PUDP: variants seen among roughly 807,000 people sequenced by gnomAD.
PUDP encodes pseudouridine 5'-phosphatase, also known as pseudouridine-5'-phosphatase.
PUDP carries 8 observed loss-of-function variants against 9.4 expected under a neutral mutation model. The observed-to-expected ratio is 0.85, with a 90% CI of 0.50 to 1.53. The LOEUF (loss-of-function observed/expected upper bound fraction) is 1.53, where lower values mean the gene tolerates loss of function less well. PUDP is among the 40% of genes most tolerant of loss of function. The pLI, the probability that PUDP is intolerant of heterozygous loss-of-function variation, is 0.00. For missense variants in PUDP, 188 were observed against 189.7 expected (o/e 0.99, Z 0.05); for synonymous variants, 99 against 80.7 (o/e 1.23, Z -1.22).
At chrX:6,960,492 G>A (rs977379849) in intron 3 of PUDP, among the ~76,000 whole-genome samples, 2 of 111,774 alleles carry the variant, frequency 1.8e-5, no homozygotes, top group African/African-American at 6.5e-5. Flanking sequence ...GACACAGCAC[G>A]AAGGCCCTCA....
At chrX:6,817,089 T>C (rs1926263311) in intron 3 of PUDP, among the ~76,000 whole-genome samples, 1 of 105,392 alleles carries the variant, frequency 9.5e-6, no homozygotes, top group Non-Finnish European at 1.9e-5. Context: ...TATATATATA[T>C]ATTTTGAGAT....
chrX:6,968,265 A>G (rs1259291384), intron 3 of PUDP, among the ~76,000 whole-genome samples: 1 of 112,377 alleles, frequency 8.9e-6, no homozygotes, highest in Non-Finnish European at 1.9e-5. Flanking sequence ...TGTAGTACAC[A>G]GTGGATAGAA....
intron 3 of PUDP, among the ~76,000 whole-genome samples, chrX:6,960,909 A>G (rs1928697915): frequency 9.0e-6 from 1 of 111,612 alleles, no homozygotes; most frequent in African/African-American, 3.3e-5. Context: ...ATGGTGGGAG[A>G]GCAACCATAC....
At chrX:6,757,387 G>A (rs1170638551) in intron 3 of PUDP, among the ~76,000 whole-genome samples, 1 of 110,652 alleles carries the variant, frequency 9.0e-6, no homozygotes, top group Non-Finnish European at 1.9e-5. Context: ...AAAAACTTTG[G>A]ATGAAAAATG....
At chrX:6,988,763 A>G (rs1929136894) in intron 1 of PUDP, among the ~76,000 whole-genome samples, 1 of 111,197 alleles carries the variant, frequency 9.0e-6, no homozygotes, top group African/African-American at 3.3e-5. Flanking sequence ...GTTTAATCCT[A>G]AAAGGGTCCT....
intron 1 of PUDP, among the ~76,000 whole-genome samples, chrX:6,709,354 A>G (rs1247221731): frequency 9.0e-6 from 1 of 111,403 alleles, no homozygotes; most frequent in Non-Finnish European, 1.9e-5. Context: ...ACACACTCTC[A>G]GGCCCTTATA....
intron 1 of PUDP, among the ~76,000 whole-genome samples, chrX:7,114,446 A>C (rs778153387): frequency 9.0e-6 from 1 of 111,226 alleles, no homozygotes; most frequent in African/African-American, 3.3e-5. Context: ...ACAACTCACT[A>C]ATCTATTAAT....
intron 3 of PUDP, among the ~76,000 whole-genome samples, chrX:6,739,446 C>T (rs1924910865): frequency 9.0e-6 from 1 of 111,411 alleles, no homozygotes; most frequent in South Asian, 3.9e-4. Context: ...AGTAACATTG[C>T]TCCTCTCCAG....
At chrX:7,078,204 C>A (rs1165613488) in intron 2 of PUDP, among the ~76,000 whole-genome samples, 2 of 112,542 alleles carry the variant, frequency 1.8e-5, no homozygotes, top group African/African-American at 3.2e-5. Context: ...CAGAAAGAAT[C>A]AAAAATACCA....
chrX:6,709,530 C>T (rs73188672), intron 1 of PUDP, among the ~76,000 whole-genome samples: 7,652 of 111,698 alleles, frequency 0.069, 289 homozygotes, highest in African/African-American at 0.13. Flanking sequence ...TCACCCGAAG[C>T]GTTTATCACT....
At chrX:6,771,959 C>T (rs769760284) in intron 3 of PUDP, among the ~76,000 whole-genome samples, 2 of 112,681 alleles carry the variant, frequency 1.8e-5, no homozygotes, top group Non-Finnish European at 3.7e-5. Flanking sequence ...AAACCCTCAA[C>T]AAAAAGATCC....
intron 1 of PUDP, among the ~76,000 whole-genome samples, chrX:6,714,993 ATGTGTG>A (rs775165133): frequency 6.7e-5 from 7 of 104,921 alleles, no homozygotes; most frequent in South Asian, 8.2e-4. Context: ...ATATATATAT[ATGTGTG>A]TGTGTGTGTG....
chrX:6,801,575 C>T lies in PUDP; in HGVS notation c.*248-95109G>A, dbSNP rs974071999. ...TAACCAGTCAGAGGTCAGTCCCCCTCGCCACACACACACCTTCCATGTGCC... is the reference window on the plus strand; with the variant it reads ...TAACCAGTCAGAGGTCAGTCCCCCTTGCCACACACACACCTTCCATGTGCC... On this transcript the variant is annotated intron_variant and NMD_transcript_variant, in intron 3 of 3. Coordinates refer to the PUDP transcript ENST00000655425. Among the ~76,000 whole-genome samples, 904 of 111,382 alleles carry T rather than the reference C, an allele frequency of 8.1e-3. 10 individuals carry two copies. The highest frequency in any genetic ancestry group is 0.028 in the African/African-American group (846 of 30,626).
intron 3 of PUDP, among the ~76,000 whole-genome samples, chrX:6,962,321 C>A (rs190289893): frequency 5.4e-4 from 61 of 112,282 alleles, no homozygotes; most frequent in African/African-American, 1.8e-3. Context: ...TACTACACCC[C>A]GGTGTTTGAG....
intron 3 of PUDP, among the ~76,000 whole-genome samples, chrX:7,064,447 T>A (rs1930491320): frequency 9.0e-6 from 1 of 111,697 alleles, no homozygotes; most frequent in African/African-American, 3.3e-5. Flanking sequence ...TTTCTCAGTA[T>A]TAATACAGGG....
intron 3 of PUDP, among the ~76,000 whole-genome samples, chrX:6,787,011 A>AC (rs1925659117): frequency 1.2e-5 from 1 of 84,394 alleles, no homozygotes; most frequent in Non-Finnish European, 2.3e-5. Context: ...CTCTCCCCCC[A>AC]CCCCCCGACC....
intron 3 of PUDP, among the ~76,000 whole-genome samples, chrX:6,787,372 A>T (rs1397824068): frequency 8.9e-6 from 1 of 112,229 alleles, no homozygotes; most frequent in Admixed American, 9.5e-5. Flanking sequence ...GTGCATTGGT[A>T]CAGATCACCT....
chrX:6,752,403 G>T (rs1925106303), intron 3 of PUDP, among the ~76,000 whole-genome samples: 1 of 111,686 alleles, frequency 9.0e-6, no homozygotes, highest in African/African-American at 3.3e-5. Context: ...TTCACCTGAA[G>T]GTAGGGGCCA....
At chrX:6,839,839 T>A (rs1217046713) in intron 3 of PUDP, among the ~76,000 whole-genome samples, 3 of 111,227 alleles carry the variant, frequency 2.7e-5, no homozygotes, top group Admixed American at 9.6e-5. Context: ...ACTCTTACTA[T>A]ACTATCCAGC....
Sources: gnomAD v4.1 joint callset for allele counts (sites outside exome capture counted in the v4.1 genomes callset) on GRCh38, gnomAD v4.1.1 for gene constraint, MANE v1.5 for transcripts, NCBI Gene and HGNC (gene_info 2026-07-23, HGNC 2026-07-21) for gene names.